PPP2R5C: variants seen among roughly 807,000 people sequenced by gnomAD.
PPP2R5C encodes protein phosphatase 2 regulatory subunit B'gamma.
In PPP2R5C, 7 loss-of-function variants were observed where a neutral mutation model predicts 68.9. The ratio of observed to expected loss-of-function variants is 0.10; its 90% CI spans 0.06 to 0.19. PPP2R5C has a LOEUF of 0.19. Ranked by LOEUF, PPP2R5C falls within the 10% of genes least tolerant of loss-of-function variation. PPP2R5C has a pLI of 1.00. For missense variants in PPP2R5C, 348 were observed against 641.3 expected (o/e 0.54, Z 4.94); for synonymous variants, 210 against 222.2 (o/e 0.95, Z 0.49).
At chr14:101,845,953 C>A (rs2041802658) in intron 1 of PPP2R5C, among the ~76,000 whole-genome samples, 1 of 152,198 alleles carries the variant, frequency 6.6e-6, no homozygotes, top group Non-Finnish European at 1.5e-5. Context: ...AATTTATACC[C>A]AAATGAAGTG....
At chr14:101,816,607 T>G (rs1433140416) in intron 1 of PPP2R5C, among the ~76,000 whole-genome samples, 1 of 151,954 alleles carries the variant, frequency 6.6e-6, no homozygotes, top group African/African-American at 2.4e-5. Context: ...CTGCGAACTT[T>G]CTAGGTGTAA....
At chr14:101,870,235 C>T (rs2043316727) in intron 2 of PPP2R5C, among the ~76,000 whole-genome samples, 1 of 151,806 alleles carries the variant, frequency 6.6e-6, no homozygotes, top group African/African-American at 2.4e-5. Context: ...TAGGATTTGT[C>T]CTTTATCAGT....
At chr14:101,842,631 T>C (rs1296525558) in intron 1 of PPP2R5C, among the ~76,000 whole-genome samples, 1 of 152,178 alleles carries the variant, frequency 6.6e-6, no homozygotes, top group Non-Finnish European at 1.5e-5. Flanking sequence ...CATGCATCTA[T>C]GTCCAGCCCT....
chr14:101,814,087 G>A (rs1323576007), intron 1 of PPP2R5C, among the ~76,000 whole-genome samples: 1 of 152,194 alleles, frequency 6.6e-6, no homozygotes, highest in African/African-American at 2.4e-5. Context: ...TAACACACCT[G>A]CATGGTGTGA....
chr14:101,760,656 G>C, upstream of PPP2R5C: 1 of 949,228 alleles, frequency 1.1e-6, no homozygotes, highest in South Asian at 5.0e-5. Flanking sequence ...GCGGAGGGCG[G>C]GACCAACCAG....
upstream of PPP2R5C, chr14:101,761,698 CCGCCGCCGCCGCCGCCGT>C: frequency 3.3e-6 from 1 of 300,688 alleles, no homozygotes; most frequent in Middle Eastern, 1.7e-3. Flanking sequence ...GCCGCCGCCG[CCGCCGCCGCCGCCGCCGT>C]GGCTGCCGCA....
intron 1 of PPP2R5C, among the ~76,000 whole-genome samples, chr14:101,814,533 G>A (rs1007724220): frequency 1.3e-5 from 2 of 152,070 alleles, no homozygotes; most frequent in African/African-American, 4.8e-5. Flanking sequence ...TCATCCATAC[G>A]CTCTCAATCT....
chr14:101,807,150 A>G (rs1216393204), upstream of PPP2R5C, among the ~76,000 whole-genome samples: 1 of 150,172 alleles, frequency 6.7e-6, no homozygotes, highest in African/African-American at 2.5e-5. Context: ...AAGCCACGTC[A>G]AATTTTATTC....
intron 2 of PPP2R5C, among the ~76,000 whole-genome samples, chr14:101,860,369 C>T (rs1169451099): frequency 6.6e-6 from 1 of 152,176 alleles, no homozygotes; most frequent in Non-Finnish European, 1.5e-5. Context: ...GTGCCAGTAC[C>T]TCATGCCTTT....
At chr14:101,829,500 G>GT (rs2040605253) in intron 1 of PPP2R5C, among the ~76,000 whole-genome samples, 2 of 152,304 alleles carry the variant, frequency 1.3e-5, no homozygotes, top group East Asian at 3.9e-4. Context: ...CCTGAACACA[G>GT]GTTTCTTAGT....
At chr14:101,898,082 C>T (rs1283468915) in intron 8 of PPP2R5C, among the ~76,000 whole-genome samples, 1 of 152,044 alleles carries the variant, frequency 6.6e-6, no homozygotes, top group East Asian at 1.9e-4. Context: ...GTTGTTTGAG[C>T]CCAGGGGGTC....
chr14:101,785,805 C>G (rs960859756), intron 2 of PPP2R5C, among the ~76,000 whole-genome samples: 1 of 152,174 alleles, frequency 6.6e-6, no homozygotes, highest in Non-Finnish European at 1.5e-5. Context: ...AAGGAAGATA[C>G]GAGAAATTAG....
intron 2 of PPP2R5C, among the ~76,000 whole-genome samples, chr14:101,858,365 T>C (rs2042553490): frequency 6.6e-6 from 1 of 152,152 alleles, no homozygotes; most frequent in African/African-American, 2.4e-5. Flanking sequence ...TAGTTGTACA[T>C]ATTTATGGAG....
At chr14:101,925,818 T>G (rs1336505416) in exon 14 of PPP2R5C, 1 of 152,656 alleles carries the variant, frequency 6.6e-6, no homozygotes, top group Non-Finnish European at 1.5e-5. Context: ...CAAATGACAA[T>G]CCTCAGCCGC....
At chr14:101,774,220 C>T (rs539574439) in intron 2 of PPP2R5C, among the ~76,000 whole-genome samples, 4 of 152,198 alleles carry the variant, frequency 2.6e-5, no homozygotes, top group Non-Finnish European at 5.9e-5. Context: ...TGACCACTTG[C>T]TTTAGAGGCC....
intron 2 of PPP2R5C, among the ~76,000 whole-genome samples, chr14:101,769,250 C>T (rs1044820961): frequency 8.5e-5 from 13 of 152,230 alleles, no homozygotes; most frequent in Non-Finnish European, 1.3e-4. Context: ...ACTAGACCAG[C>T]GGCTGGCTGT....
rs562775858 is a variant in PPP2R5C at position 101,901,397 on chromosome 14, G to A, written c.853-322G>A. The stretch of plus-strand genomic sequence containing the variant: ...TAAAATTAAGCCAGGCAGGTGGTAC[G>A]TGCCTGTGGTCCCAGCTACTCAGAG... On this transcript the variant is annotated intron_variant, in intron 8 of 13. Coordinates refer to ENST00000334743, the Ensembl canonical transcript of PPP2R5C. Among the ~76,000 whole-genome samples the A allele has an allele frequency of 2.3e-4, 35 of 152,282 alleles. No individual in the cohort carries two copies. The South Asian group carries it at 6.0e-3, about 26-fold the overall frequency.
At chr14:101,809,402 AAAC>A (rs1450967160), upstream of PPP2R5C, among the ~76,000 whole-genome samples, 1 of 150,856 alleles carries the variant, frequency 6.6e-6, no homozygotes, top group Non-Finnish European at 1.5e-5. Flanking sequence ...TAAAAAAAAA[AAAC>A]AAAAAAAAAA....
At chr14:101,833,995 A>G (rs1280165521) in intron 1 of PPP2R5C, among the ~76,000 whole-genome samples, 2 of 152,064 alleles carry the variant, frequency 1.3e-5, no homozygotes, top group Non-Finnish European at 2.9e-5. Flanking sequence ...TTTTGTAGAG[A>G]TGGGGTTTCA....
Sources: allele counts gnomAD v4.1 joint callset (sites outside exome capture counted in the v4.1 genomes callset), GRCh38; gene constraint gnomAD v4.1.1; transcripts MANE v1.5; gene names NCBI Gene and HGNC (gene_info 2026-07-23, HGNC 2026-07-21).